The following EVI5 variants were observed in gnomAD, a reference collection of about 807,000 sequenced individuals.
The protein encoded by EVI5 is ecotropic viral integration site 5, also known as ecotropic viral integration site 5 protein homolog.
EVI5 carries 73 observed loss-of-function variants against 112.0 expected under a neutral mutation model. That is an observed-to-expected ratio of 0.65 (90% CI 0.54 to 0.79). The LOEUF (loss-of-function observed/expected upper bound fraction) is 0.79. Ranked by LOEUF, EVI5 falls within the 30% of genes least tolerant of loss-of-function variation. The pLI, the probability that EVI5 is intolerant of heterozygous loss-of-function variation, is 0.00. For missense variants in EVI5, 900 were observed against 968.8 expected (o/e 0.93, Z 0.94); for synonymous variants, 305 against 319.9 (o/e 0.95, Z 0.50).
chr1:92,532,127 G>T (rs1662972789), intron 19 of EVI5, among the ~76,000 whole-genome samples: 1 of 151,972 alleles, frequency 6.6e-6, no homozygotes, highest in African/African-American at 2.4e-5. Flanking sequence ...AAAAAGCAGG[G>T]GTTGCAATCC....
At chr1:92,721,826 C>T (rs913284939) in intron 2 of EVI5, among the ~76,000 whole-genome samples, 1 of 152,118 alleles carries the variant, frequency 6.6e-6, no homozygotes, top group African/African-American at 2.4e-5. Context: ...TAATATAACG[C>T]TTTGTGTATT....
intron 1 of EVI5, among the ~76,000 whole-genome samples, chr1:92,762,160 T>C (rs1389273197): frequency 6.6e-6 from 1 of 152,206 alleles, no homozygotes. Flanking sequence ...ACGACAATTA[T>C]CTTTTCTTAG....
At chr1:92,672,669 C>T (rs956614193) in intron 10 of EVI5, among the ~76,000 whole-genome samples, 1 of 152,136 alleles carries the variant, frequency 6.6e-6, no homozygotes, top group Non-Finnish European at 1.5e-5. Context: ...TACTTCATAA[C>T]CACATTTCAA....
rs182879197 is a variant in EVI5 at position 92,724,503 on chromosome 1, G to A, written c.149+11895C>T. On this transcript the variant is annotated intron_variant, in intron 2 of 19. Coordinates refer to ENST00000684568, the MANE Select transcript of EVI5 (RefSeq NM_001350197.2). ...TGAACAAAATACATTAAATTATATC[G>A]AACAATGATTTTCAAGACTTTAGGC... 1.0e-3 allele frequency among the ~76,000 whole-genome samples: 155 copies of A among 151,954 alleles called. 1 individual carries two copies. The South Asian group carries it at 0.018, about 18-fold the overall frequency.
intron 2 of EVI5, among the ~76,000 whole-genome samples, chr1:92,728,899 G>A (rs936018065): frequency 1.3e-5 from 2 of 152,104 alleles, no homozygotes; most frequent in African/African-American, 4.8e-5. Context: ...CTAATATTTA[G>A]TAACCATCTG....
rs143748188 is a variant in EVI5, at chr1:92,508,934, C to T, written c.*4722G>A. ...GGATCATAAATAGCATCCACTATAC[C>T]TTTAACCAGAAATTAAACTTCAGTA... On this transcript the variant is annotated 3_prime_UTR_variant, in exon 20 of 20. Transcript: ENST00000684568. The T allele has an allele frequency of 4.7e-4, 71 of 152,222 alleles. No homozygotes were observed. Among genetic ancestry groups the T allele is most frequent in the African/African-American group, 1.6e-3 (68 of 41,536 alleles). The allele number at this position is 152,222 out of a possible 1,614,324, so 9.4% of individuals were successfully genotyped here.
intron 19 of EVI5, among the ~76,000 whole-genome samples, chr1:92,541,966 G>A (rs1229355696): frequency 6.6e-6 from 1 of 152,224 alleles, no homozygotes; most frequent in Non-Finnish European, 1.5e-5. Context: ...CTTGATGCTG[G>A]TGGCAGCAGG....
chr1:92,664,006 C>T (rs1664461324), intron 11 of EVI5, among the ~76,000 whole-genome samples: 1 of 152,172 alleles, frequency 6.6e-6, no homozygotes, highest in South Asian at 2.1e-4. Context: ...TCTCAGCCTC[C>T]CGAAGTGCGG....
chr1:92,642,542 G>A (rs1235558066), intron 13 of EVI5, among the ~76,000 whole-genome samples: 1 of 152,158 alleles, frequency 6.6e-6, no homozygotes, highest in Non-Finnish European at 1.5e-5. Flanking sequence ...AACCCACCAG[G>A]TATATCAGGT....
chr1:92,668,837 T>C lies in EVI5; in HGVS notation c.1159-2845A>G, dbSNP rs570028296. Among the ~76,000 whole-genome samples the C allele has an allele frequency of 3.3e-5, 5 of 152,356 alleles. No homozygotes were observed. The East Asian group carries it at 7.7e-4, about 24-fold the overall frequency. On this transcript the variant is annotated intron_variant, in intron 10 of 19. Coordinates refer to ENST00000684568, the MANE Select transcript of EVI5 (RefSeq NM_001350197.2). ...TAATATCACAGTATTTTGGTAATTA[T>C]AGCTTTGCTATCTGTTTTAATACCT...
chr1:92,777,014 A>G (rs1019052649), intron 1 of EVI5, among the ~76,000 whole-genome samples: 6 of 151,934 alleles, frequency 3.9e-5, no homozygotes, highest in Non-Finnish European at 8.8e-5. Flanking sequence ...ATGTTAGCCA[A>G]GATGGTCTCA....
chr1:92,765,594 C>T (rs1161596855), intron 1 of EVI5, among the ~76,000 whole-genome samples: 1 of 151,678 alleles, frequency 6.6e-6, no homozygotes, highest in Non-Finnish European at 1.5e-5. Context: ...TGCTCTACTA[C>T]ACCATGCCAC....
chr1:92,589,392 G>A (rs1022575672), intron 18 of EVI5, among the ~76,000 whole-genome samples: 6 of 152,120 alleles, frequency 3.9e-5, no homozygotes, highest in South Asian at 2.1e-4. Context: ...CAGATGGCAC[G>A]TGGAAAATCA....
chr1:92,734,331 C>T lies in EVI5; in HGVS notation c.149+2067G>A, dbSNP rs1010041876. Reference sequence around the variant, plus strand: ...AAGATGGGATAGCTCAACTTCATTACGGTCCGTGTATAAATACCAAAGCAA... The same window carrying T: ...AAGATGGGATAGCTCAACTTCATTATGGTCCGTGTATAAATACCAAAGCAA... On this transcript the variant is annotated intron_variant, in intron 2 of 19. Transcript: ENST00000684568. Among the ~76,000 whole-genome samples, 7 of 152,298 alleles carry T rather than the reference C, an allele frequency of 4.6e-5. No individual in the cohort carries two copies. The East Asian group carries it at 7.7e-4, about 17-fold the overall frequency.
At position 92,639,922 on chromosome 1, in the gene EVI5, T is replaced by C. The variant is rs190373347; in HGVS notation, c.1393-3586A>G. Reference sequence around the variant, plus strand: ...ATGGTACTGGTACCAAAAAGACATATAAACCAATGGAACAAAACAGAGACC... The same window carrying C: ...ATGGTACTGGTACCAAAAAGACATACAAACCAATGGAACAAAACAGAGACC... On this transcript the variant is annotated intron_variant, in intron 13 of 19. Coordinates refer to ENST00000684568, the MANE Select transcript of EVI5 (RefSeq NM_001350197.2). 3.5e-4 allele frequency among the ~76,000 whole-genome samples: 54 copies of C among 152,152 alleles called. 1 individual carries two copies. The highest frequency in any genetic ancestry group is 6.5e-4 in the Admixed American group (10 of 15,274).
intron 10 of EVI5, among the ~76,000 whole-genome samples, chr1:92,676,136 G>T (rs545583675): frequency 2.4e-4 from 37 of 151,898 alleles, no homozygotes; most frequent in African/African-American, 8.2e-4. Flanking sequence ...AATGGGAATA[G>T]AACCTCTAGA....
intron 1 of EVI5, among the ~76,000 whole-genome samples, chr1:92,741,477 C>T (rs1396227246): frequency 4.6e-5 from 7 of 152,074 alleles, no homozygotes; most frequent in Non-Finnish European, 1.0e-4. Context: ...TTCCTAAAGC[C>T]TGCAGATTCC....
intron 19 of EVI5, among the ~76,000 whole-genome samples, chr1:92,561,842 T>C (rs1015359168): frequency 1.2e-4 from 19 of 152,078 alleles, no homozygotes; most frequent in African/African-American, 4.6e-4. Flanking sequence ...TTCACCATGT[T>C]GGATGGGCTG....
chr1:92,544,436 T>C (rs961078477), intron 19 of EVI5, among the ~76,000 whole-genome samples: 1 of 152,176 alleles, frequency 6.6e-6, no homozygotes, highest in African/African-American at 2.4e-5. Context: ...ATTTTCTAAT[T>C]AGAAAATGTA....
Sources: gnomAD v4.1 joint callset for allele counts (sites outside exome capture counted in the v4.1 genomes callset) on GRCh38, gnomAD v4.1.1 for gene constraint, MANE v1.5 for transcripts, NCBI Gene and HGNC (gene_info 2026-07-23, HGNC 2026-07-21) for gene names.